FER: variants seen among roughly 807,000 people sequenced by gnomAD.
FER encodes tyrosine-protein kinase Fer.
Under a neutral mutation model 111.0 loss-of-function variants are expected in FER, and 63 were observed. The observed-to-expected ratio is 0.57, with a 90% confidence interval of 0.46 to 0.70. The LOEUF (loss-of-function observed/expected upper bound fraction) is 0.70, where lower values mean the gene tolerates loss of function less well. FER is among the 30% of genes least tolerant of loss of function. FER has a pLI of 0.00. For synonymous variants in FER, 327 were observed against 313.9 expected (o/e 1.04, Z -0.44); for missense variants, 914 against 954.0 (o/e 0.96, Z 0.55).
chr5:109,103,986 T>C (rs1034304473), intron 17 of FER, among the ~76,000 whole-genome samples: 2 of 152,240 alleles, frequency 1.3e-5, no homozygotes, highest in African/African-American at 4.8e-5. Flanking sequence ...TATTGCCATA[T>C]ACTTGAGTGA....
chr5:109,173,824 C>T (rs1757408538), intron 17 of FER, among the ~76,000 whole-genome samples: 1 of 147,354 alleles, frequency 6.8e-6, no homozygotes, highest in Non-Finnish European at 1.5e-5. Context: ...AGACTGTATT[C>T]TGAGCGTCCT....
intron 15 of FER, among the ~76,000 whole-genome samples, chr5:109,045,499 G>A (rs1771835408): frequency 6.6e-6 from 1 of 152,058 alleles, no homozygotes; most frequent in African/African-American, 2.4e-5. Flanking sequence ...GAAATAATTG[G>A]GACAGACAGG....
chr5:109,179,608 A>G (rs922328172), intron 17 of FER, among the ~76,000 whole-genome samples: 2 of 152,158 alleles, frequency 1.3e-5, no homozygotes. Flanking sequence ...GGATTCAACC[A>G]TCCAGAGATT....
chr5:108,883,598 A>G, intron 9 of FER, 80 bp downstream of exon 9: 1 of 1,212,206 alleles, frequency 8.2e-7, no homozygotes, highest in South Asian at 2.1e-5. Flanking sequence ...TGGCAGTGTG[A>G]ACCTAACATT....
At chr5:108,987,913 T>C (rs964460279) in intron 13 of FER, among the ~76,000 whole-genome samples, 1 of 152,110 alleles carries the variant, frequency 6.6e-6, no homozygotes, top group Non-Finnish European at 1.5e-5. Flanking sequence ...CCATTCAATA[T>C]TATGTTGGCT....
At chr5:109,061,469 G>A (rs958660952) in intron 16 of FER, among the ~76,000 whole-genome samples, 8 of 152,128 alleles carry the variant, frequency 5.3e-5, no homozygotes, top group Admixed American at 2.6e-4. Flanking sequence ...GGTACAGAGA[G>A]CTTGAAGTGA....
intron 5 of FER, among the ~76,000 whole-genome samples, chr5:108,863,641 A>G (rs185946485): frequency 2.2e-4 from 34 of 152,312 alleles, no homozygotes; most frequent in Admixed American, 1.7e-3. Flanking sequence ...GCCAAGTGTC[A>G]TGCAGAGTGA....
At chr5:108,914,854 A>C (rs1196909348) in intron 10 of FER, among the ~76,000 whole-genome samples, 5 of 152,174 alleles carry the variant, frequency 3.3e-5, no homozygotes, top group African/African-American at 1.2e-4. Flanking sequence ...ATATAGGAAA[A>C]AATAATTTAG....
chr5:108,989,980 T>C (rs1041296091), intron 13 of FER, among the ~76,000 whole-genome samples: 3 of 151,998 alleles, frequency 2.0e-5, no homozygotes, highest in African/African-American at 7.2e-5. Flanking sequence ...TATGTCATAA[T>C]ACTTTTTGTG....
In FER at chr5:109,125,360, A is replaced by AT. The variant is rs1751576046; in HGVS notation, c.2048+24844dup. Reference sequence around the variant, plus strand: ...ATAATCATTGTGAAAATTAATTGTGATTTAAATATTTTATCTATTTATGTA... The same window carrying AT: ...ATAATCATTGTGAAAATTAATTGTGATTTTAAATATTTTATCTATTTATGTA... On this transcript the variant is annotated intron_variant, in intron 17 of 19. Coordinates refer to ENST00000281092, the MANE Select transcript of FER (RefSeq NM_005246.4). Among the ~76,000 whole-genome samples, 3 of 152,258 alleles carry AT rather than the reference A, an allele frequency of 2.0e-5. No individual in the cohort carries two copies. In the South Asian group the frequency reaches 6.2e-4, roughly 32 times the overall value.
At chr5:109,147,548 T>C (rs560277650) in intron 17 of FER, among the ~76,000 whole-genome samples, 1 of 151,908 alleles carries the variant, frequency 6.6e-6, no homozygotes, top group South Asian at 2.1e-4. Context: ...TATCCAACAA[T>C]CAAGTATTAG....
At chr5:108,775,943 C>T (rs1328228360) in intron 2 of FER, among the ~76,000 whole-genome samples, 2 of 152,094 alleles carry the variant, frequency 1.3e-5, no homozygotes, top group Non-Finnish European at 2.9e-5. Context: ...GACTTTGTTT[C>T]TATCTTGCTG....
intron 8 of FER, among the ~76,000 whole-genome samples, chr5:108,877,363 G>A (rs1765193182): frequency 6.6e-6 from 1 of 152,284 alleles, no homozygotes; most frequent in South Asian, 2.1e-4. Flanking sequence ...GTTTGATTAA[G>A]GGAAACAAAG....
chr5:108,993,993 A>G (rs1056413982), intron 13 of FER, among the ~76,000 whole-genome samples: 1 of 151,916 alleles, frequency 6.6e-6, no homozygotes, highest in Non-Finnish European at 1.5e-5. Context: ...TTGTAAATTT[A>G]TTTAAGTTCC....
At chr5:108,823,072 A>G (rs1285285066) in intron 3 of FER, among the ~76,000 whole-genome samples, 1 of 152,174 alleles carries the variant, frequency 6.6e-6, no homozygotes, top group African/African-American at 2.4e-5. Flanking sequence ...GGATTTCACT[A>G]TGTTGGCCAG....
At chr5:109,095,629 A>T (rs1411892428) in intron 16 of FER, among the ~76,000 whole-genome samples, 1 of 152,078 alleles carries the variant, frequency 6.6e-6, no homozygotes, top group East Asian at 1.9e-4. Flanking sequence ...CATGGGGTGC[A>T]GTTTACATCA....
chr5:108,960,679 A>G (rs1198520644), intron 13 of FER, among the ~76,000 whole-genome samples: 1 of 152,108 alleles, frequency 6.6e-6, no homozygotes, highest in Admixed American at 6.6e-5. Flanking sequence ...TTTATATATC[A>G]ACAATTTGCA....
intron 2 of FER, among the ~76,000 whole-genome samples, chr5:108,768,870 G>T (rs1471895675): frequency 2.0e-5 from 3 of 151,870 alleles, no homozygotes; most frequent in Non-Finnish European, 4.4e-5. Flanking sequence ...TGTCGCCCAG[G>T]CTGGAGTGCA....
intron 13 of FER, among the ~76,000 whole-genome samples, chr5:108,992,291 G>A (rs1219545438): frequency 6.6e-6 from 1 of 152,166 alleles, no homozygotes; most frequent in Non-Finnish European, 1.5e-5. Flanking sequence ...ACACAGACAC[G>A]GCAATCATCC....
Sources: gnomAD v4.1 joint callset for allele counts (sites outside exome capture counted in the v4.1 genomes callset) on GRCh38, gnomAD v4.1.1 for gene constraint, MANE v1.5 for transcripts, NCBI Gene and HGNC (gene_info 2026-07-23, HGNC 2026-07-21) for gene names.